The following TNRC6A variants were observed in gnomAD, a reference collection of about 807,000 sequenced individuals.
The protein encoded by TNRC6A is trinucleotide repeat-containing gene 6A protein.
A neutral mutation model predicts 221.2 loss-of-function variants in TNRC6A; 44 were observed. The ratio of observed to expected loss-of-function variants is 0.20; its 90% CI spans 0.16 to 0.26. The LOEUF is 0.26. Among genes scored for constraint, TNRC6A ranks in the 10% least tolerant of loss-of-function variants. The pLI, the probability that TNRC6A is intolerant of heterozygous loss-of-function variation, is 1.00. For synonymous variants in TNRC6A, 847 were observed against 838.5 expected, an observed-to-expected ratio of 1.01 and a Z score of -0.18; for missense variants, 2,199 against 2,404.4, an observed-to-expected ratio of 0.91 and a Z score of 1.79.
intron 1 of TNRC6A, among the ~76,000 whole-genome samples, chr16:24,633,380 G>A (rs1901450392): frequency 6.6e-6 from 1 of 151,974 alleles, no homozygotes; most frequent in African/African-American, 2.4e-5. Context: ...TACTCATGGT[G>A]TATTTATTTT....
chr16:24,663,834 T>C, intron 2 of TNRC6A: 1 of 443,818 alleles, frequency 2.3e-6, no homozygotes, highest in South Asian at 1.6e-5. Flanking sequence ...CCATAAATCA[T>C]GTTGTTAGCA....
intron 21 of TNRC6A, 80 bp from the exon 22 acceptor site, chr16:24,820,059 G>A (rs2058736279): frequency 2.3e-6 from 3 of 1,314,326 alleles, no homozygotes; most frequent in African/African-American, 1.5e-5. Context: ...CTTTTTGTGG[G>A]AGAATGGATG....
chr16:24,710,143 T>C (rs903565924), intron 2 of TNRC6A, among the ~76,000 whole-genome samples: 7 of 151,252 alleles, frequency 4.6e-5, no homozygotes, highest in Non-Finnish European at 8.8e-5. Context: ...GAGAATCCCT[T>C]GAACCCAGGA....
At chr16:24,819,144 G>A (rs186844568) in intron 21 of TNRC6A, among the ~76,000 whole-genome samples, 5 of 152,302 alleles carry the variant, frequency 3.3e-5, no homozygotes, top group Non-Finnish European at 7.3e-5. Context: ...GCGCACTCTG[G>A]ATTTCTGGAC....
Position 24,789,344 on chromosome 16 carries a change from G to A in TNRC6A, c.702G>A (p.Ser234=), listed in dbSNP as rs749514054. ...NCKNAVVSDL[S]EKEAWPSAPG... is the part of the protein sequence containing the mutation. ...AGAATGCTGTTGTAAGTGACTTGTC[G>A]GAAAAAGAAGCATGGCCCTCAGCCC... The change falls in exon 6 of 25, where the codon TCG becomes TCA. Residue 234 remains serine, a synonymous_variant. Coordinates refer to ENST00000395799, the MANE Select transcript of TNRC6A (RefSeq NM_014494.4). 4.2e-5 allele frequency: 67 copies of A among 1,614,154 alleles called. No individual in the cohort carries two copies. In the East Asian group the frequency reaches 5.1e-4, roughly 12 times the overall value.
chr16:24,651,538 C>CAAAA (rs768568973), intron 2 of TNRC6A, among the ~76,000 whole-genome samples: 6 of 48,752 alleles, frequency 1.2e-4, no homozygotes, highest in African/African-American at 3.2e-4. Flanking sequence ...AACTCCATCT[C>CAAAA]AAAAAAAAAA....
chr16:24,649,334 G>T (rs185319905), intron 2 of TNRC6A, among the ~76,000 whole-genome samples: 1 of 151,444 alleles, frequency 6.6e-6, no homozygotes, highest in African/African-American at 2.4e-5. Context: ...TTTGAGACAG[G>T]GTCTCACTCT....
intron 2 of TNRC6A, chr16:24,662,298 C>CA (rs10713787): frequency 6.6e-6 from 1 of 151,246 alleles, no homozygotes; most frequent in Non-Finnish European, 1.5e-5. Context: ...TAAAAAAATA[C>CA]AAAAAAACTC....
At chr16:24,721,195 A>C (rs1291784551) in intron 2 of TNRC6A, among the ~76,000 whole-genome samples, 1 of 152,188 alleles carries the variant, frequency 6.6e-6, no homozygotes, top group Non-Finnish European at 1.5e-5. Context: ...CATGTTTTCT[A>C]GTTTCTTATA....
intron 2 of TNRC6A, among the ~76,000 whole-genome samples, chr16:24,710,725 A>AC (rs1307818586): frequency 1.3e-5 from 2 of 149,542 alleles, no homozygotes; most frequent in Non-Finnish European, 3.0e-5. Flanking sequence ...TTCTCATCAA[A>AC]CTTTTTTTTT....
intron 2 of TNRC6A, among the ~76,000 whole-genome samples, chr16:24,665,313 A>G (rs115841350): frequency 0.035 from 5,374 of 152,180 alleles, 280 homozygotes; most frequent in African/African-American, 0.12. Context: ...GACCTCAAGC[A>G]GTCTTCCTGC....
chr16:24,729,286 T>C (rs2056548461), upstream of TNRC6A, among the ~76,000 whole-genome samples: 1 of 146,676 alleles, frequency 6.8e-6, no homozygotes, highest in African/African-American at 2.5e-5. Context: ...TGGGGTAAAA[T>C]TTGCGTTTTA....
chr16:24,789,078 C>A (rs929233171), intron 5 of TNRC6A, among the ~76,000 whole-genome samples, 154 bp from the exon 6 acceptor site: 19 of 152,168 alleles, frequency 1.2e-4, no homozygotes, highest in African/African-American at 4.6e-4. Flanking sequence ...TAGAAGATAA[C>A]CAGTGCCCTT....
chr16:24,819,507 C>CTTTTTTTTTTTTTTTTTTTTTTT (rs71383722), intron 21 of TNRC6A: 9 of 81,952 alleles, frequency 1.1e-4, no homozygotes, highest in South Asian at 3.4e-4. Context: ...CTTTTTCTTT[C>CTTTTTTTTTTTTTTTTTTTTTTT]TTTTTTTTTT....
intron 2 of TNRC6A, among the ~76,000 whole-genome samples, chr16:24,657,440 C>T (rs921967852): frequency 4.7e-5 from 7 of 150,304 alleles, no homozygotes; most frequent in African/African-American, 9.8e-5. Flanking sequence ...GCCGGGCAGG[C>T]GGCTCATGCC....
chr16:24,650,651 T>C (rs114681426), intron 2 of TNRC6A, among the ~76,000 whole-genome samples: 1,688 of 148,788 alleles, frequency 0.011, 26 homozygotes, highest in African/African-American at 0.04. Context: ...GGCGATAGAG[T>C]GAGACTCTGA....
At chr16:24,739,384 C>T (rs1567408739) in intron 2 of TNRC6A, among the ~76,000 whole-genome samples, 3 of 151,428 alleles carry the variant, frequency 2.0e-5, no homozygotes, top group African/African-American at 7.3e-5. Flanking sequence ...TATTTTTTGT[C>T]ATTGAAAAAG....
rs186702640 is a variant in TNRC6A at position 24,797,407 on chromosome 16, G to A, written c.3562-83G>A. Reference sequence around the variant, plus strand: ...TGGCTAAAAATGAGAATTGGGGATTGTCTTAAGTTTTATTAATCCGTCACT... The same window carrying A: ...TGGCTAAAAATGAGAATTGGGGATTATCTTAAGTTTTATTAATCCGTCACT... On this transcript the variant is annotated intron_variant, in intron 9 of 24. Transcript: ENST00000395799. 2.1e-4 allele frequency: 209 copies of A among 998,022 alleles called. No homozygotes were observed. In the African/African-American group the frequency reaches 3.0e-3, roughly 14 times the overall value. The allele number at this position is 998,022 out of a possible 1,614,324, so 61.8% of individuals were successfully genotyped here.
intron 21 of TNRC6A, chr16:24,819,520 TTTTTTGTTTTTTTG>T (rs2058725326): frequency 1.3e-5 from 2 of 149,342 alleles, no homozygotes; most frequent in Non-Finnish European, 3.0e-5. Context: ...TTTTTTTTGT[TTTTTTGTTTTTTTG>T]TTTTTTGTTT....
Sources: allele counts gnomAD v4.1 joint callset (sites outside exome capture counted in the v4.1 genomes callset), GRCh38; gene constraint gnomAD v4.1.1; transcripts MANE v1.5; gene names NCBI Gene and HGNC (gene_info 2026-07-23, HGNC 2026-07-21).